Variants in IGLL1 observed in about 807,000 individuals in gnomAD.
IGLL1 encodes immunoglobulin lambda like polypeptide 1, also known as immunoglobulin lambda-like polypeptide 1.
A neutral mutation model predicts 10.5 loss-of-function variants in IGLL1; 10 were observed. The ratio of observed to expected loss-of-function variants is 0.95; its 90% CI spans 0.59 to 1.62. IGLL1 has a LOEUF of 1.62. Ranked by LOEUF, IGLL1 falls within the 40% of genes most tolerant of loss-of-function variation. The pLI is 0.00. For missense variants in IGLL1, 284 were observed against 278.7 expected, an observed-to-expected ratio of 1.02 and a Z score of -0.14; for synonymous variants, 141 against 122.7, an observed-to-expected ratio of 1.15 and a Z score of -0.99.
intron 1 of IGLL1, among the ~76,000 whole-genome samples, chr22:23,579,134 C>T (rs368337184): frequency 5.9e-5 from 9 of 152,100 alleles, no homozygotes; most frequent in South Asian, 4.2e-4. Context: ...CTCACCTCTC[C>T]GGGCTCTATC....
chr22:23,574,694 G>C lies in IGLL1; in HGVS notation c.322+273C>G, dbSNP rs188981407. 2.3e-3 allele frequency among the ~76,000 whole-genome samples: 349 copies of C among 152,316 alleles called. 14 individuals are homozygous for C. The South Asian group carries it at 0.057, about 25-fold the overall frequency. On this transcript the variant is annotated intron_variant, in intron 2 of 2. Coordinates refer to ENST00000330377, the MANE Select transcript of IGLL1 (RefSeq NM_020070.4). The stretch of plus-strand genomic sequence containing the variant: ...TCCCTCACTCAGACATCTGCCCTGG[G>C]AGAGGGGAGGAGCCCTGACCCCGCC...
chr22:23,578,498 C>T (rs914556048), intron 1 of IGLL1, among the ~76,000 whole-genome samples: 3 of 152,338 alleles, frequency 2.0e-5, no homozygotes, highest in East Asian at 1.9e-4. Context: ...CACTGACACC[C>T]GGTCCCGGCC....
intron 1 of IGLL1, among the ~76,000 whole-genome samples, chr22:23,578,330 C>T (rs970591340): frequency 6.6e-6 from 1 of 152,208 alleles, no homozygotes. Flanking sequence ...CCATCCCAGT[C>T]TCTGTTCTGT....
intron 1 of IGLL1, among the ~76,000 whole-genome samples, chr22:23,575,896 TC>T (rs1433662656): frequency 6.7e-6 from 1 of 149,968 alleles, no homozygotes; most frequent in African/African-American, 2.5e-5. Flanking sequence ...CCTTTCCTCT[TC>T]CCCTGGCATC....
At chr22:23,578,051 T>A (rs1436116077) in intron 1 of IGLL1, among the ~76,000 whole-genome samples, 1 of 151,772 alleles carries the variant, frequency 6.6e-6, no homozygotes, top group Non-Finnish European at 1.5e-5. Context: ...GCCCAGCTAG[T>A]TTTTGTATTT....
chr22:23,578,389 G>A (rs1925165640), intron 1 of IGLL1, among the ~76,000 whole-genome samples: 1 of 152,142 alleles, frequency 6.6e-6, no homozygotes, highest in East Asian at 1.9e-4. Flanking sequence ...CCCGCTCCTT[G>A]TGGACTTGAA....
chr22:23,577,126 T>C (rs1215461932), intron 1 of IGLL1, among the ~76,000 whole-genome samples: 1 of 152,196 alleles, frequency 6.6e-6, no homozygotes, highest in African/African-American at 2.4e-5. Context: ...TTAAAAATAG[T>C]ACAGGCTAGG....
intron 1 of IGLL1, among the ~76,000 whole-genome samples, chr22:23,579,203 T>G (rs996782406): frequency 2.0e-4 from 30 of 149,646 alleles, no homozygotes; most frequent in African/African-American, 7.4e-4. Flanking sequence ...GAGAGGGAGG[T>G]TCTGCCCCTG....
intron 1 of IGLL1, among the ~76,000 whole-genome samples, chr22:23,579,326 C>T (rs535303750): frequency 6.6e-6 from 1 of 152,194 alleles, no homozygotes; most frequent in Non-Finnish European, 1.5e-5. Flanking sequence ...TCCCACCACA[C>T]GCAGAGTGGT....
intron 2 of IGLL1, among the ~76,000 whole-genome samples, chr22:23,574,280 GCCCT>G (rs1924946760): frequency 6.6e-6 from 1 of 152,300 alleles, no homozygotes; most frequent in South Asian, 2.1e-4. Flanking sequence ...AGTCTAAGGT[GCCCT>G]TCCTCAAATG....
intron 1 of IGLL1, among the ~76,000 whole-genome samples, chr22:23,575,947 A>AC (rs139482412): frequency 0.28 from 41,970 of 151,400 alleles, 10,095 homozygotes; most frequent in African/African-American, 0.65. Flanking sequence ...GACTCCCCAG[A>AC]CCCCACCCAG....
chr22:23,574,105 G>A (rs12169538), intron 2 of IGLL1, among the ~76,000 whole-genome samples: 12,287 of 145,610 alleles, frequency 0.084, 1,076 homozygotes, highest in African/African-American at 0.21. Context: ...CCACCAGCCC[G>A]ACCACAGGAC....
rs553132705 is a variant in IGLL1 at position 23,573,348 on chromosome 22, C to T, written c.560G>A (p.Arg187Lys). ...CTGGCAGCTGTAGCTTCTGCGGGAC[C>T]TCCACTGCTCGGGCGTCAGGCTCAG... ...SYLSLTPEQW[R>K]SRRSYSCQVM... Residue 187 changes from arginine to lysine, a missense_variant, in exon 3 of 3, where the codon AGG becomes AAG. By Grantham distance (26) the Arg-to-Lys change is conservative (BLOSUM62 2). Transcript: ENST00000330377. 2.2e-5 allele frequency: 35 copies of T among 1,614,012 alleles called. No individual in the cohort carries two copies. Among genetic ancestry groups the T allele is most frequent in the East Asian group, 6.7e-5 (3 of 44,864 alleles).
intron 1 of IGLL1, among the ~76,000 whole-genome samples, chr22:23,575,563 CGTCCATCCATCT>C: frequency 6.6e-6 from 1 of 152,298 alleles, no homozygotes; most frequent in Non-Finnish European, 1.5e-5. Flanking sequence ...TCCATCCGTC[CGTCCATCCATCT>C]GTCCATCTGT....
In IGLL1 at chr22:23,580,119, C is replaced by G; in HGVS notation, c.72G>C (p.Trp24Cys). ...GEPGPNLRQR[W>C]PLLLLGLAVV... ...CGGCCAGACCCAGCAGCAGCAGGGG[C>G]CAGCGCTGCCTGAGGTTGGGGCCTG... Residue 24 changes from tryptophan to cysteine, a missense_variant, in exon 1 of 3, where the codon TGG becomes TGC. Coordinates refer to ENST00000330377, the MANE Select transcript of IGLL1 (RefSeq NM_020070.4). 3 of 1,565,724 alleles carry G rather than the reference C, an allele frequency of 1.9e-6. No homozygotes were observed. The highest frequency in any genetic ancestry group is 1.7e-6 in the Non-Finnish European group (2 of 1,158,258).
At position 23,574,900 on chromosome 22, in the gene IGLL1, G is replaced by C. The variant is rs968200962; in HGVS notation, c.322+67C>G. 9 of 1,117,530 alleles carry C rather than the reference G, an allele frequency of 8.1e-6. No homozygotes were observed. In the African/African-American group the frequency reaches 1.1e-4, roughly 13 times the overall value. 69.2% of individuals were successfully genotyped at this position (1,117,530 alleles called of 1,614,324 possible). A position where few individuals can be genotyped will look rare whatever the true frequency, so the allele number is the denominator to read the frequency against. On this transcript the variant is annotated intron_variant, in intron 2 of 2. Transcript: ENST00000330377. ...GGAGGGCAGAGGGGAAGAAGCCCCA[G>C]AGAGAGAAAACACATTTTCCAGAGA...
intron 1 of IGLL1, among the ~76,000 whole-genome samples, chr22:23,577,180 G>C (rs2123701233): frequency 6.6e-6 from 1 of 152,318 alleles, no homozygotes; most frequent in South Asian, 2.1e-4. Context: ...AGGAGGCCGA[G>C]GCGGGTGGAT....
At position 23,578,215 on chromosome 22, in the gene IGLL1, A is replaced by G. The variant is rs972286173; in HGVS notation, c.206+1770T>C. Among the ~76,000 whole-genome samples, 5 of 152,274 alleles carry G rather than the reference A, an allele frequency of 3.3e-5. No homozygotes were observed. In the South Asian group the frequency reaches 6.2e-4, roughly 19 times the overall value. ...TTCTATAAGATTTCTAAAGATTCTAATATAAAAACTTACATTAATAGCCCC... is the reference window on the plus strand; with the variant it reads ...TTCTATAAGATTTCTAAAGATTCTAGTATAAAAACTTACATTAATAGCCCC... On this transcript the variant is annotated intron_variant, in intron 1 of 2. Transcript: ENST00000330377.
intron 2 of IGLL1, among the ~76,000 whole-genome samples, chr22:23,574,330 A>G (rs548799438): frequency 7.9e-5 from 12 of 152,320 alleles, no homozygotes; most frequent in Middle Eastern, 3.4e-3. Flanking sequence ...GAGAGACACC[A>G]GGCCCCAGAG....
Sources: gnomAD v4.1 joint callset for allele counts (sites outside exome capture counted in the v4.1 genomes callset) on GRCh38, gnomAD v4.1.1 for gene constraint, MANE v1.5 for transcripts, NCBI Gene and HGNC (gene_info 2026-07-23, HGNC 2026-07-21) for gene names.